Variants in MORN1 observed in about 807,000 individuals in gnomAD.
MORN1 encodes MORN repeat containing 1.
Under a neutral mutation model 61.9 loss-of-function variants are expected in MORN1, and 67 were observed. The ratio of observed to expected loss-of-function variants is 1.08; its 90% confidence interval spans 0.89 to 1.33. The LOEUF (loss-of-function observed/expected upper bound fraction) is 1.33. Among genes scored for constraint, MORN1 ranks in the 40% most tolerant of loss-of-function variants. MORN1 has a pLI of 0.00. For missense variants in MORN1, 752 were observed against 691.2 expected (o/e 1.09, Z -0.99); for synonymous variants, 301 against 292.0 (o/e 1.03, Z -0.31).
chr1:2,387,171 C>T (rs1342977677), intron 4 of MORN1: 10 of 553,450 alleles, frequency 1.8e-5, no homozygotes, highest in Admixed American at 6.1e-5. Flanking sequence ...AAGCCACGGG[C>T]GTCTGTTCCG....
chr1:2,330,643 T>G (rs1460651530), intron 12 of MORN1, among the ~76,000 whole-genome samples: 1 of 152,210 alleles, frequency 6.6e-6, no homozygotes, highest in Non-Finnish European at 1.5e-5. Flanking sequence ...AAGTCTTAAT[T>G]AAGCCCATTT....
rs1641797900 is a variant in MORN1 at position 2,357,354 on chromosome 1, G to A, written c.1036+78C>T. 18 of 1,486,152 alleles carry A rather than the reference G, an allele frequency of 1.2e-5. No individual in the cohort carries two copies. In the South Asian group the frequency reaches 2.4e-4, roughly 20 times the overall value. 92.1% of individuals were successfully genotyped at this position (1,486,152 alleles called of 1,614,324 possible). ...TGCTCCTGCTCTGGCCTGGTTCTGG[G>A]TCCCCATGACCCCACCCCCACCTTG... On this transcript the variant is annotated intron_variant, in intron 10 of 13. Transcript: ENST00000378531. This position sits in a 1 kb window ranked among gnomAD's most constrained non-coding sequence, Gnocchi z 6.3.
chr1:2,388,227 G>A lies in MORN1; in HGVS notation c.247+12C>T. On this transcript the variant is annotated intron_variant, in intron 3 of 13. Transcript: ENST00000378531. ...AGAAAGGAGTGAATGTGCCATCCCA[G>A]CTAGAGCTCACCTGACCAGGCCCAG... is the stretch of plus-strand genomic sequence containing the variant. 6.2e-7 allele frequency: 1 copy of A among 1,608,166 alleles called. No individual in the cohort carries two copies. The highest frequency in any genetic ancestry group is 8.5e-7 in the Non-Finnish European group (1 of 1,175,264).
Position 2,372,732 on chromosome 1 carries a change from C to T in MORN1, c.635-141G>A. 3.3e-6 allele frequency: 2 copies of T among 611,390 alleles called. No individual in the cohort carries two copies. The highest frequency in any genetic ancestry group is 3.9e-5 in the South Asian group (2 of 51,314). 37.9% of individuals were successfully genotyped at this position (611,390 alleles called of 1,614,324 possible). ...AACACAAGCACATGCGGGGGCCGAC[C>T]CTCCGCAAACCACCTTGCAGAGCAG... On this transcript the variant is annotated intron_variant, in intron 7 of 13. Transcript: ENST00000378531. This position sits in a 1 kb window ranked among gnomAD's most constrained non-coding sequence, Gnocchi z 5.4.
chr1:2,348,573 C>T (rs957958214), intron 10 of MORN1, among the ~76,000 whole-genome samples: 3 of 152,256 alleles, frequency 2.0e-5, no homozygotes, highest in Middle Eastern at 3.4e-3. Flanking sequence ...CTGCCAGAGC[C>T]GGAGAGTGCA....
chr1:2,322,781 C>T lies in MORN1; in HGVS notation c.1298-1202G>A, dbSNP rs959099471. 1.0e-5 allele frequency: 10 copies of T among 985,332 alleles called. No homozygotes were observed. The African/African-American group carries it at 1.6e-4, about 15-fold the overall frequency. The allele number at this position is 985,332 out of a possible 1,614,324, so 61.0% of individuals were successfully genotyped here. On this transcript the variant is annotated intron_variant, in intron 13 of 13. Coordinates refer to ENST00000378531, the MANE Select transcript of MORN1 (RefSeq NM_024848.3). ...AAGGCGCTGGCCGGGGGGCCGAGAG[C>T]TCAGTGGGCAGTGGCTGAGGAGCCC...
At chr1:2,352,140 C>A in intron 10 of MORN1, 1 of 371,846 alleles carries the variant, frequency 2.7e-6, no homozygotes, top group South Asian at 3.5e-5. Context: ...AGCTTTTTGT[C>A]CCCTGGTTCT....
chr1:2,390,472 T>C (rs750881217), intron 1 of MORN1: 6 of 985,428 alleles, frequency 6.1e-6, no homozygotes, highest in Non-Finnish European at 7.2e-6. Flanking sequence ...TACCCAAGGA[T>C]GGCCTGGCCG....
chr1:2,321,860 G>A (rs1444269180), intron 13 of MORN1, among the ~76,000 whole-genome samples: 1 of 152,222 alleles, frequency 6.6e-6, no homozygotes, highest in African/African-American at 2.4e-5. Context: ...CCTCCAGCTC[G>A]GAGGCTGGCA....
chr1:2,322,365 G>T, intron 13 of MORN1: 5 of 985,416 alleles, frequency 5.1e-6, no homozygotes, highest in Non-Finnish European at 6.0e-6. Flanking sequence ...CTGAAATGGG[G>T]GCAGGAGTCG....
chr1:2,374,412 C>T, intron 7 of MORN1, 49 bp downstream of exon 7: 1 of 1,507,354 alleles, frequency 6.6e-7, no homozygotes, highest in South Asian at 1.2e-5. Context: ...GCCAGGGACA[C>T]ACCCCACAGT....
At chr1:2,363,805 C>CAAACAAACAAAAA (rs140866260) in intron 8 of MORN1, among the ~76,000 whole-genome samples, 2 of 124,856 alleles carry the variant, frequency 1.6e-5, no homozygotes, top group Non-Finnish European at 1.6e-5. Flanking sequence ...AACAAACAAA[C>CAAACAAACAAAAA]AAAAAAATAT....
At position 2,357,899 on chromosome 1, in the gene MORN1, G is replaced by T. The variant is rs1641809704; in HGVS notation, c.870-301C>A. 1.3e-5 allele frequency among the ~76,000 whole-genome samples: 2 copies of T among 152,140 alleles called. No homozygotes were observed. The highest frequency in any genetic ancestry group is 2.9e-5 in the Non-Finnish European group (2 of 68,032). On this transcript the variant is annotated intron_variant, in intron 9 of 13. Coordinates refer to ENST00000378531, the MANE Select transcript of MORN1 (RefSeq NM_024848.3). The surrounding 1 kb of genome is among the most constrained non-coding windows in gnomAD (Gnocchi z 6.3). ...TCGGGTGCGTTCTGACTTCACAGTG[G>T]GTCCAAGTTTACCCCAAATGTCAGA... is the stretch of plus-strand genomic sequence containing the variant.
chr1:2,349,778 G>T (rs890932203), intron 10 of MORN1, among the ~76,000 whole-genome samples: 2 of 152,074 alleles, frequency 1.3e-5, no homozygotes, highest in Non-Finnish European at 2.9e-5. Flanking sequence ...TTACAATCAC[G>T]ATTGATTCTT....
chr1:2,348,793 A>G (rs539822411), intron 10 of MORN1, among the ~76,000 whole-genome samples: 1 of 140,630 alleles, frequency 7.1e-6, no homozygotes, highest in Non-Finnish European at 1.5e-5. Context: ...ACACGCACGC[A>G]CACGCACTCC....
In MORN1 at chr1:2,337,598, T is replaced by TG. The variant is rs2100258046; in HGVS notation, c.1037-749dup. 6.6e-6 allele frequency among the ~76,000 whole-genome samples: 1 copy of TG among 152,284 alleles called. No homozygotes were observed. Among genetic ancestry groups the TG allele is most frequent in the South Asian group, 2.1e-4 (1 of 4,832 alleles). ...CACCCTGCTGTCTCTTTTACAAGGA[T>TG]GGTCAGTGGCTGAGCCTGAAGGAGA... On this transcript the variant is annotated intron_variant, in intron 10 of 13. Transcript: ENST00000378531. The surrounding 1 kb of genome is among the most constrained non-coding windows in gnomAD (Gnocchi z 5.7).
At chr1:2,322,225 A>C (rs1434328497) in intron 13 of MORN1, 2 of 985,288 alleles carry the variant, frequency 2.0e-6, no homozygotes, top group African/African-American at 3.5e-5. Context: ...AAAAGAAAAT[A>C]AGAAATAACA....
chr1:2,381,751 G>A lies in MORN1; in HGVS notation c.537+3227C>T, dbSNP rs1320506097. On this transcript the variant is annotated intron_variant, in intron 6 of 13. Coordinates refer to ENST00000378531, the MANE Select transcript of MORN1 (RefSeq NM_024848.3). ...CAGAAAGGCCTGGGGGGCCGCTTGGGGGCCCGGCTCTCAGGAGTACCCAGC... is the reference window on the plus strand; with the variant it reads ...CAGAAAGGCCTGGGGGGCCGCTTGGAGGCCCGGCTCTCAGGAGTACCCAGC... Among the ~76,000 whole-genome samples the A allele has an allele frequency of 2.0e-5, 3 of 152,186 alleles. No homozygotes were observed. The East Asian group carries it at 5.8e-4, about 29-fold the overall frequency.
intron 13 of MORN1, chr1:2,323,074 C>T (rs1640919694): frequency 1.0e-6 from 1 of 985,308 alleles, no homozygotes; most frequent in African/African-American, 1.7e-5. Context: ...CGGCTGCGCA[C>T]AGGTGCCAGC....
Sources: allele counts gnomAD v4.1 joint callset (sites outside exome capture counted in the v4.1 genomes callset), GRCh38; gene constraint gnomAD v4.1.1; non-coding constraint Gnocchi (gnomAD v3.1); transcripts MANE v1.5; gene names NCBI Gene and HGNC (gene_info 2026-07-23, HGNC 2026-07-21).